The following FSTL5 variants were observed in gnomAD, a reference collection of about 807,000 sequenced individuals.
FSTL5 encodes follistatin-related protein 5.
A neutral mutation model predicts 89.1 loss-of-function variants in FSTL5; 62 were observed. The observed-to-expected ratio is 0.70, with a 90% CI of 0.57 to 0.86. The LOEUF (loss-of-function observed/expected upper bound fraction) is 0.86, where lower values mean the gene tolerates loss of function less well. Ranked by LOEUF, FSTL5 falls within the 40% of genes least tolerant of loss-of-function variation. The pLI, the probability that FSTL5 is intolerant of heterozygous loss-of-function variation, is 0.00. For synonymous variants in FSTL5, 383 were observed against 346.2 expected (o/e 1.11, Z -1.18); for missense variants, 1,057 against 1,001.6 (o/e 1.06, Z -0.75).
chr4:161,535,896 C>T (rs1731593715), intron 10 of FSTL5, among the ~76,000 whole-genome samples: 1 of 152,008 alleles, frequency 6.6e-6, no homozygotes, highest in South Asian at 2.1e-4. Flanking sequence ...TCATGGAATA[C>T]TACTCAGCCA....
At chr4:161,916,391 G>C (rs1376604588) in intron 4 of FSTL5, among the ~76,000 whole-genome samples, 2 of 152,156 alleles carry the variant, frequency 1.3e-5, no homozygotes, top group Non-Finnish European at 2.9e-5. Flanking sequence ...CTGATGCCAG[G>C]GTGAAAGGAA....
chr4:162,026,304 C>CTTTTTTTTCTT (rs777176706), intron 3 of FSTL5, among the ~76,000 whole-genome samples: 1 of 79,474 alleles, frequency 1.3e-5, no homozygotes, highest in East Asian at 4.2e-4. Context: ...TATGTATTTT[C>CTTTTTTTTCTT]TTTTTTTTTT....
chr4:161,764,460 T>A (rs1261803809), intron 5 of FSTL5, among the ~76,000 whole-genome samples: 1 of 152,146 alleles, frequency 6.6e-6, no homozygotes, highest in African/African-American at 2.4e-5. Context: ...GGTTTTACCA[T>A]GTTGGCCAGG....
rs191794606 is a variant in FSTL5, at chr4:161,582,958, C to T, written c.1015+4497G>A. ...ATCCCAGCACTTTGGGAGGCTGAAG[C>T]GGGTGAATCACGAGGTCAGCAGTTC... On this transcript the variant is annotated intron_variant, in intron 8 of 15. Transcript: ENST00000306100. Among the ~76,000 whole-genome samples the T allele has an allele frequency of 5.9e-5, 9 of 152,102 alleles. No individual in the cohort carries two copies. In the East Asian group the frequency reaches 9.7e-4, roughly 16 times the overall value.
intron 7 of FSTL5, among the ~76,000 whole-genome samples, chr4:161,621,827 CAAAAAAAAAAA>C (rs58143952): frequency 1.3e-4 from 12 of 90,400 alleles, no homozygotes; most frequent in African/African-American, 5.1e-4. Context: ...TCTAAAAATA[CAAAAAAAAAAA>C]AAAAAAAAAA....
intron 15 of FSTL5, among the ~76,000 whole-genome samples, chr4:161,401,968 T>G (rs2110908469): frequency 6.6e-6 from 1 of 152,330 alleles, no homozygotes; most frequent in East Asian, 1.9e-4. Context: ...CTTATTTTAC[T>G]AATTGATTTT....
At chr4:161,729,879 T>A (rs1018827962) in intron 6 of FSTL5, among the ~76,000 whole-genome samples, 7 of 152,118 alleles carry the variant, frequency 4.6e-5, no homozygotes, top group African/African-American at 1.7e-4. Flanking sequence ...AAGAGAAAAA[T>A]TGCAGCTGGA....
intron 9 of FSTL5, among the ~76,000 whole-genome samples, chr4:161,540,260 A>G (rs1228590055): frequency 6.6e-6 from 1 of 152,160 alleles, no homozygotes; most frequent in Non-Finnish European, 1.5e-5. Context: ...TATAATTTTC[A>G]GATTCACAGT....
chr4:161,680,909 T>G (rs1005198085), intron 6 of FSTL5, among the ~76,000 whole-genome samples: 2 of 152,056 alleles, frequency 1.3e-5, no homozygotes, highest in Admixed American at 1.3e-4. Flanking sequence ...TATTCTTTAC[T>G]GTTTGTAAGT....
Position 161,569,794 on chromosome 4 carries a change from CA to C in FSTL5, c.1015+17660del, listed in dbSNP as rs750345220. ...ACACACACACACACACACACACACA[CA>C]CACACCCCACATTGTGGCTCTAAGG... On this transcript the variant is annotated intron_variant, in intron 8 of 15. Transcript: ENST00000306100. Among the ~76,000 whole-genome samples the C allele has an allele frequency of 9.8e-3, 1,326 of 134,808 alleles. 13 individuals are homozygous for C. The highest frequency in any genetic ancestry group is 0.034 in the South Asian group (140 of 4,154). The allele number at this position is 134,808 out of a possible 152,430, so 88.4% of individuals were successfully genotyped here.
At chr4:161,511,214 T>C (rs190023533) in intron 10 of FSTL5, among the ~76,000 whole-genome samples, 8 of 152,274 alleles carry the variant, frequency 5.3e-5, no homozygotes, top group Admixed American at 1.3e-4. Flanking sequence ...TACACAGCAA[T>C]TACTTCCAGT....
chr4:161,903,995 GA>G (rs971049381), intron 4 of FSTL5, among the ~76,000 whole-genome samples: 1 of 150,748 alleles, frequency 6.6e-6, no homozygotes, highest in Admixed American at 6.6e-5. Context: ...TATCTAGTGA[GA>G]AAAAAAATTA....
chr4:161,583,857 C>A (rs1213719928), intron 8 of FSTL5, among the ~76,000 whole-genome samples: 1 of 152,096 alleles, frequency 6.6e-6, no homozygotes, highest in African/African-American at 2.4e-5. Context: ...ATATTTGATC[C>A]TTGGGAACAC....
intron 8 of FSTL5, among the ~76,000 whole-genome samples, chr4:161,559,036 G>A (rs1466109704): frequency 6.6e-6 from 1 of 151,758 alleles, no homozygotes; most frequent in Non-Finnish European, 1.5e-5. Flanking sequence ...TGCCGACAAA[G>A]TTATTTTAAA....
chr4:161,926,855 G>A (rs868293087), intron 3 of FSTL5, among the ~76,000 whole-genome samples: 1 of 151,804 alleles, frequency 6.6e-6, no homozygotes, highest in African/African-American at 2.4e-5. Flanking sequence ...AAAAGTGAAA[G>A]GACTTATTTA....
chr4:162,046,801 G>T (rs1738199103), intron 2 of FSTL5, among the ~76,000 whole-genome samples: 1 of 152,050 alleles, frequency 6.6e-6, no homozygotes, highest in African/African-American at 2.4e-5. Context: ...TTAAAATGTA[G>T]ACATGTACAC....
intron 1 of FSTL5, among the ~76,000 whole-genome samples, chr4:162,135,575 G>C (rs1732491791): frequency 6.6e-6 from 1 of 151,942 alleles, no homozygotes; most frequent in Non-Finnish European, 1.5e-5. Flanking sequence ...TTATCTCCCT[G>C]GGTCCTTTTT....
chr4:162,091,399 A>G (rs1031357544), intron 2 of FSTL5, among the ~76,000 whole-genome samples: 3 of 152,182 alleles, frequency 2.0e-5, no homozygotes, highest in African/African-American at 7.2e-5. Context: ...AACTACTATC[A>G]GTTGTGACTT....
At chr4:161,829,159 A>ATATATATATG (rs1203481921) in intron 4 of FSTL5, among the ~76,000 whole-genome samples, 110 of 147,090 alleles carry the variant, frequency 7.5e-4, no homozygotes, top group African/African-American at 2.6e-3. Flanking sequence ...ATATATATAT[A>ATATATATATG]TATGTACACA....
Sources: allele counts gnomAD v4.1 joint callset (sites outside exome capture counted in the v4.1 genomes callset), GRCh38; gene constraint gnomAD v4.1.1; transcripts MANE v1.5; gene names NCBI Gene and HGNC (gene_info 2026-07-23, HGNC 2026-07-21).